The following MATN2 variants were observed in gnomAD, a reference collection of about 807,000 sequenced individuals.
The protein encoded by MATN2 is matrilin-2.
Under a neutral mutation model 103.2 loss-of-function variants are expected in MATN2, and 69 were observed. That is an observed-to-expected ratio of 0.67 (90% confidence interval 0.55 to 0.82). MATN2 has a LOEUF of 0.82. Among genes scored for constraint, MATN2 ranks in the 40% least tolerant of loss-of-function variants. MATN2 has a pLI of 0.00. For synonymous variants in MATN2, 429 were observed against 450.2 expected (o/e 0.95, Z 0.60); for missense variants, 1,023 against 1,211.5 (o/e 0.84, Z 2.31).
chr8:98,033,318 G>T, intron 17 of MATN2, 142 bp downstream of exon 17: 1 of 863,710 alleles, frequency 1.2e-6, no homozygotes, highest in Non-Finnish European at 1.7e-6. Context: ...TAAGTAAAAT[G>T]AGAACTAAAA....
At chr8:98,011,299 A>G (rs1195581306) in intron 10 of MATN2, among the ~76,000 whole-genome samples, 1 of 152,100 alleles carries the variant, frequency 6.6e-6, no homozygotes, top group East Asian at 1.9e-4. Context: ...AGGGATTCAG[A>G]TGTAAATTTT....
Position 98,018,002 on chromosome 8 carries a change from G to C in MATN2, c.1705G>C (p.Val569Leu). ...TGCTCTCCTGTCTTCAGGGAAAGATGTCTGCCAAGCTATAGACCATGGCTG... is the reference window on the plus strand; with the variant it reads ...TGCTCTCCTGTCTTCAGGGAAAGATCTCTGCCAAGCTATAGACCATGGCTG... ...EDGKTCRRKD[V>L]CQAIDHGCEH... is the part of the protein sequence containing the mutation. The change falls in exon 12 of 19, where the codon GTC becomes CTC. Residue 569 changes from valine to leucine, a missense_variant. Transcript: ENST00000254898. 2 of 1,613,532 alleles carry C rather than the reference G, an allele frequency of 1.2e-6. No individual in the cohort carries two copies. The highest frequency in any genetic ancestry group is 1.7e-6 in the Non-Finnish European group (2 of 1,179,612).
chr8:97,945,688 C>T (rs1318236706), intron 4 of MATN2, among the ~76,000 whole-genome samples: 1 of 125,762 alleles, frequency 8.0e-6, no homozygotes, highest in Non-Finnish European at 1.6e-5. Flanking sequence ...CAAATACACA[C>T]ACACATACAC....
intron 4 of MATN2, among the ~76,000 whole-genome samples, chr8:97,956,232 C>CT (rs1811140508): frequency 6.6e-6 from 1 of 151,942 alleles, no homozygotes; most frequent in Non-Finnish European, 1.5e-5. Context: ...GGCTGGAGTG[C>CT]AGTGGCGCGA....
intron 4 of MATN2, among the ~76,000 whole-genome samples, chr8:97,947,607 T>G (rs1298389415): frequency 6.6e-6 from 1 of 152,006 alleles, no homozygotes; most frequent in East Asian, 1.9e-4. Flanking sequence ...GAGATTAATT[T>G]AAAAAAAACC....
rs572481520 is a variant in MATN2 at position 97,876,154 on chromosome 8, G to A, written c.-27+6867G>A. Among the ~76,000 whole-genome samples the A allele has an allele frequency of 2.0e-5, 3 of 151,402 alleles. No homozygotes were observed. In the East Asian group the frequency reaches 5.8e-4, roughly 29 times the overall value. ...AGCCTCCCGAGTAGCTGAGACTACA[G>A]GCATGTGCCACCACGCTTGGCTAAT... On this transcript the variant is annotated intron_variant, in intron 1 of 18. Transcript: ENST00000254898.
In MATN2 at chr8:98,001,170, C is replaced by T. The variant is rs77362340; in HGVS notation, c.1205-2491C>T. ...ATGGTGCTTTTTGTTCACACAAAAC[C>T]GGAAATCCAATTAATGGTGTTTTAA... On this transcript the variant is annotated intron_variant, in intron 7 of 18. Coordinates refer to ENST00000254898, the MANE Select transcript of MATN2 (RefSeq NM_002380.5). 3.7e-4 allele frequency among the ~76,000 whole-genome samples: 56 copies of T among 152,266 alleles called. 1 individual carries two copies. In the East Asian group the frequency reaches 8.7e-3, roughly 24 times the overall value.
chr8:97,888,320 T>A (rs1396464639), intron 2 of MATN2, 78 bp downstream of exon 2: 1 of 1,367,636 alleles, frequency 7.3e-7, no homozygotes, highest in Non-Finnish European at 9.4e-7. Context: ...GATTGGTGAC[T>A]GTTTGAGAAG....
chr8:98,003,315 C>CT (rs1215883293), intron 7 of MATN2, among the ~76,000 whole-genome samples: 1 of 152,014 alleles, frequency 6.6e-6, no homozygotes, highest in African/African-American at 2.4e-5. Flanking sequence ...CTGGGGCCTC[C>CT]TGTTGGCCTT....
chr8:97,883,551 C>A (rs1264000160), intron 1 of MATN2, among the ~76,000 whole-genome samples: 3 of 121,094 alleles, frequency 2.5e-5, no homozygotes, highest in Non-Finnish European at 3.7e-5. Context: ...ACCTTCCCAG[C>A]TAATTTTTTT....
intron 3 of MATN2, among the ~76,000 whole-genome samples, chr8:97,941,286 G>T (rs1287254168): frequency 1.3e-5 from 2 of 151,566 alleles, no homozygotes; most frequent in Admixed American, 6.6e-5. Context: ...CCAAAATTGT[G>T]TGTATACTTT....
chr8:97,987,330 G>A (rs1812228855), intron 6 of MATN2, among the ~76,000 whole-genome samples: 2 of 152,272 alleles, frequency 1.3e-5, no homozygotes, highest in Non-Finnish European at 2.9e-5. Context: ...AACAGCTAAT[G>A]GATGCTGGGC....
intron 1 of MATN2, among the ~76,000 whole-genome samples, chr8:97,879,406 G>A (rs868171184): frequency 9.2e-5 from 14 of 152,314 alleles, no homozygotes; most frequent in Middle Eastern, 6.8e-3. Flanking sequence ...GGCCTTGAAT[G>A]TTAACATTGC....
intron 13 of MATN2, chr8:98,025,476 C>G (rs900420083): frequency 3.5e-5 from 8 of 225,616 alleles, no homozygotes; most frequent in Admixed American, 1.7e-4. Context: ...TGGCCCAGCA[C>G]GGTGGCTCAC....
intron 2 of MATN2, among the ~76,000 whole-genome samples, chr8:97,904,863 C>T (rs1819109632): frequency 6.6e-6 from 1 of 152,152 alleles, no homozygotes; most frequent in Admixed American, 6.6e-5. Flanking sequence ...ACTTCAGTGG[C>T]TCCATAATTT....
rs150519207 is a variant in MATN2 at position 97,961,602 on chromosome 8, G to A, written c.958+72G>A. The A allele has an allele frequency of 2.0e-4, 285 of 1,429,396 alleles. No individual in the cohort carries two copies. In the African/African-American group the frequency reaches 3.4e-3, roughly 17 times the overall value. 88.5% of individuals were successfully genotyped at this position (1,429,396 alleles called of 1,614,324 possible). A position where few individuals can be genotyped will look rare whatever the true frequency, so the allele number is the denominator to read the frequency against. On this transcript the variant is annotated intron_variant, in intron 5 of 18. Coordinates refer to ENST00000254898, the MANE Select transcript of MATN2 (RefSeq NM_002380.5). ...ATGGTGAGGAGGAGGGGAGACTCAC[G>A]TGTACCTCCCACATATTTGTTTCCT...
intron 1 of MATN2, among the ~76,000 whole-genome samples, chr8:97,886,262 A>G (rs1360556997): frequency 6.6e-6 from 1 of 152,178 alleles, no homozygotes; most frequent in Non-Finnish European, 1.5e-5. Flanking sequence ...ATTTCATTAT[A>G]TATTGCAATG....
At chr8:97,961,143 C>T (rs1586094093) in intron 4 of MATN2, among the ~76,000 whole-genome samples, 1 of 152,154 alleles carries the variant, frequency 6.6e-6, no homozygotes, top group Non-Finnish European at 1.5e-5. Flanking sequence ...CATGCAGAAA[C>T]TCACCTGGAA....
Position 98,027,582 on chromosome 8 carries a change from C to G in MATN2, c.2109C>G (p.Val703=), listed in dbSNP as rs1005300966. The change falls in exon 14 of 19, where the codon GTC becomes GTG. Residue 703 remains valine, a synonymous_variant. Transcript: ENST00000254898. ...RVGLLQYSTQ[V]HTEFTLRNFN... ...GGCTGCTCCAGTATTCCACACAGGTCCACACAGAGTTCACTCTGAGAAACT... is the reference window on the plus strand; with the variant it reads ...GGCTGCTCCAGTATTCCACACAGGTGCACACAGAGTTCACTCTGAGAAACT... The G allele has an allele frequency of 6.2e-7, 1 of 1,613,904 alleles. No homozygotes were observed. The highest frequency in any genetic ancestry group is 1.3e-5 in the African/African-American group (1 of 75,016).
Sources: allele counts gnomAD v4.1 joint callset (sites outside exome capture counted in the v4.1 genomes callset), GRCh38; gene constraint gnomAD v4.1.1; transcripts MANE v1.5; gene names NCBI Gene and HGNC (gene_info 2026-07-23, HGNC 2026-07-21).